Variants in PLCB4 observed in about 807,000 individuals in gnomAD.
The protein encoded by PLCB4 is phospholipase C beta 4.
In PLCB4, 77 loss-of-function variants were observed where a neutral mutation model predicts 178.8. The observed-to-expected ratio is 0.43, with a 90% CI of 0.36 to 0.52. The LOEUF is 0.52. Ranked by LOEUF, PLCB4 falls within the 20% of genes least tolerant of loss-of-function variation. The pLI, the probability that PLCB4 is intolerant of heterozygous loss-of-function variation, is 0.00. For missense variants in PLCB4, 1,024 were observed against 1,453.4 expected, an observed-to-expected ratio of 0.70 and a Z score of 4.80; for synonymous variants, 496 against 490.8, an observed-to-expected ratio of 1.01 and a Z score of -0.14.
intron 3 of PLCB4, among the ~76,000 whole-genome samples, chr20:9,272,205 GAA>G (rs1349178821): frequency 1.3e-5 from 2 of 151,608 alleles, no homozygotes; most frequent in Non-Finnish European, 2.9e-5. Flanking sequence ...AAAAAAGAGA[GAA>G]AGAAAATATC....
At chr20:9,229,850 T>C (rs1207875279) in intron 3 of PLCB4, among the ~76,000 whole-genome samples, 1 of 151,958 alleles carries the variant, frequency 6.6e-6, no homozygotes, top group African/African-American at 2.4e-5. Flanking sequence ...ATGCTCTCCC[T>C]CCCCCTACTT....
intron 2 of PLCB4, among the ~76,000 whole-genome samples, chr20:9,129,629 A>G (rs2092222594): frequency 6.6e-6 from 1 of 152,182 alleles, no homozygotes; most frequent in Non-Finnish European, 1.5e-5. Context: ...TTGGAGAGCA[A>G]CAGTGAGATT....
chr20:9,468,702 A>G (rs1463576256), intron 36 of PLCB4, 30 bp downstream of exon 36: 1 of 1,256,386 alleles, frequency 8.0e-7, no homozygotes, highest in Non-Finnish European at 1.2e-6. Context: ...CTGCAGGAAT[A>G]TGGCATTGAC....
chr20:9,466,533 A>G (rs1462930519), intron 35 of PLCB4, among the ~76,000 whole-genome samples: 1 of 152,228 alleles, frequency 6.6e-6, no homozygotes, highest in African/African-American at 2.4e-5. Context: ...CAGTCTACCC[A>G]TCTGACAAAG....
chr20:9,128,264 A>G (rs980068027), intron 2 of PLCB4, among the ~76,000 whole-genome samples: 1 of 151,842 alleles, frequency 6.6e-6, no homozygotes, highest in African/African-American at 2.4e-5. Context: ...TTGATTGTAA[A>G]CTTCCCGAGG....
At chr20:9,219,439 A>G (rs773837285) in intron 3 of PLCB4, among the ~76,000 whole-genome samples, 4 of 152,206 alleles carry the variant, frequency 2.6e-5, no homozygotes, top group African/African-American at 4.8e-5. Context: ...ACTGCACTCC[A>G]GCCTGGGCAA....
At chr20:9,153,496 G>C (rs1030948799) in intron 2 of PLCB4, among the ~76,000 whole-genome samples, 1 of 152,128 alleles carries the variant, frequency 6.6e-6, no homozygotes, top group Non-Finnish European at 1.5e-5. Flanking sequence ...TCTTGCTGCT[G>C]CCATGTAAGA....
At chr20:9,187,504 G>A (rs533145964) in intron 2 of PLCB4, among the ~76,000 whole-genome samples, 1 of 152,180 alleles carries the variant, frequency 6.6e-6, no homozygotes, top group African/African-American at 2.4e-5. Flanking sequence ...ATGCCAGACT[G>A]TAAACCCTCT....
chr20:9,234,777 C>T (rs962297947), intron 3 of PLCB4, among the ~76,000 whole-genome samples: 1 of 151,932 alleles, frequency 6.6e-6, no homozygotes, highest in African/African-American at 2.4e-5. Flanking sequence ...TGAGAAAGGG[C>T]ATAGGAAAAA....
chr20:9,323,119 C>T (rs1306054530), intron 4 of PLCB4, among the ~76,000 whole-genome samples: 2 of 152,186 alleles, frequency 1.3e-5, no homozygotes, highest in Admixed American at 1.3e-4. Flanking sequence ...CCCTACATGA[C>T]CTACCATTTC....
intron 2 of PLCB4, among the ~76,000 whole-genome samples, chr20:9,154,905 C>CTGCTTCCTTCCT (rs1473005178): frequency 3.2e-5 from 2 of 62,338 alleles, no homozygotes; most frequent in Non-Finnish European, 6.4e-5. Flanking sequence ...CCCTCCTTCC[C>CTGCTTCCTTCCT]TCCTTCCTTC....
intron 34 of PLCB4, 24 bp from the exon 35 acceptor site, chr20:9,459,611 C>G (rs2043268414): frequency 1.3e-6 from 2 of 1,571,758 alleles, no homozygotes; most frequent in Non-Finnish European, 1.7e-6. Flanking sequence ...ATTACAATGG[C>G]ACCGTCCCCT....
At chr20:9,178,496 T>A (rs973116728) in intron 2 of PLCB4, among the ~76,000 whole-genome samples, 2 of 151,982 alleles carry the variant, frequency 1.3e-5, no homozygotes, top group African/African-American at 4.8e-5. Flanking sequence ...TAAAACTTTG[T>A]TATTTTAGCA....
Position 9,476,400 on chromosome 20 carries a change from T to G in PLCB4, c.3496-317T>G, listed in dbSNP as rs147187035. ...CACACTCGAGTCTCAAAAATTGATT[T>G]TTATCATCAATCCTATCATTTAATA... On this transcript the variant is annotated intron_variant, in intron 38 of 39. Transcript: ENST00000378473. 2.7e-4 allele frequency among the ~76,000 whole-genome samples: 41 copies of G among 152,308 alleles called. 1 individual carries two copies. In the East Asian group the frequency reaches 6.9e-3, roughly 26 times the overall value.
intron 2 of PLCB4, among the ~76,000 whole-genome samples, chr20:9,178,410 G>T (rs2093190010): frequency 6.6e-6 from 1 of 152,010 alleles, no homozygotes; most frequent in South Asian, 2.1e-4. Flanking sequence ...TTCAGAGATT[G>T]AAACTTTTCT....
chr20:9,282,075 G>A (rs1183737608), intron 3 of PLCB4, among the ~76,000 whole-genome samples: 1 of 151,922 alleles, frequency 6.6e-6, no homozygotes, highest in Non-Finnish European at 1.5e-5. Context: ...GACAGTAGGA[G>A]CTATAAACAG....
chr20:9,078,083 C>T (rs531589461), intron 1 of PLCB4, among the ~76,000 whole-genome samples: 1 of 151,908 alleles, frequency 6.6e-6, no homozygotes, highest in South Asian at 2.1e-4. Context: ...TGGGCTCAAG[C>T]GATTTTCCTG....
At chr20:9,463,697 T>C (rs2043564703) in intron 35 of PLCB4, among the ~76,000 whole-genome samples, 2 of 148,184 alleles carry the variant, frequency 1.3e-5, no homozygotes, top group Admixed American at 1.3e-4. Flanking sequence ...CATTACATAA[T>C]GGTAAAGGGA....
intron 38 of PLCB4, among the ~76,000 whole-genome samples, chr20:9,475,758 A>G (rs2044499334): frequency 6.6e-6 from 1 of 152,186 alleles, no homozygotes; most frequent in South Asian, 2.1e-4. Flanking sequence ...CTCAATTCAC[A>G]GTTACTCTGT....
Sources: allele counts gnomAD v4.1 joint callset (sites outside exome capture counted in the v4.1 genomes callset), GRCh38; gene constraint gnomAD v4.1.1; transcripts MANE v1.5; gene names NCBI Gene and HGNC (gene_info 2026-07-23, HGNC 2026-07-21).